The following ITGA9 variants were observed in gnomAD, a reference collection of about 807,000 sequenced individuals.
ITGA9 encodes the protein integrin alpha-9.
A neutral mutation model predicts 127.8 loss-of-function variants in ITGA9; 56 were observed. The ratio of observed to expected loss-of-function variants is 0.44; its 90% confidence interval spans 0.35 to 0.55. The LOEUF is 0.55. ITGA9 is among the 20% of genes least tolerant of loss of function. ITGA9 has a pLI of 0.00. For synonymous variants in ITGA9, 508 were observed against 514.5 expected (o/e 0.99, Z 0.17); for missense variants, 1,196 against 1,347.1 (o/e 0.89, Z 1.76).
intron 8 of ITGA9, among the ~76,000 whole-genome samples, chr3:37,512,077 C>T (rs181177505): frequency 0.016 from 608 of 38,348 alleles, 17 homozygotes; most frequent in African/African-American, 0.032. Context: ...TCTTTCTTTC[C>T]TTCCTTCCTT....
At chr3:37,701,858 T>C (rs1700950006) in intron 18 of ITGA9, among the ~76,000 whole-genome samples, 1 of 152,164 alleles carries the variant, frequency 6.6e-6, no homozygotes, top group South Asian at 2.1e-4. Context: ...AGAGCAGCAG[T>C]TCACGGGCTA....
chr3:37,755,528 A>T (rs1337253736), intron 23 of ITGA9, among the ~76,000 whole-genome samples: 1 of 152,240 alleles, frequency 6.6e-6, no homozygotes, highest in Non-Finnish European at 1.5e-5. Context: ...ATGCAAAAAG[A>T]CAGTGTTTCC....
chr3:37,759,874 A>T (rs913775202), intron 23 of ITGA9, among the ~76,000 whole-genome samples: 9 of 151,448 alleles, frequency 5.9e-5, no homozygotes, highest in African/African-American at 2.2e-4. Flanking sequence ...ACTGCACTCC[A>T]GCCTGAATGA....
intron 13 of ITGA9, among the ~76,000 whole-genome samples, chr3:37,532,611 G>A (rs190267469): frequency 8.3e-6 from 1 of 120,068 alleles, no homozygotes; most frequent in Admixed American, 9.3e-5. Context: ...GTTTTTGTGG[G>A]ATGTCCTTGG....
At chr3:37,522,939 AC>A (rs1195940553) in intron 11 of ITGA9, among the ~76,000 whole-genome samples, 2 of 152,048 alleles carry the variant, frequency 1.3e-5, no homozygotes, top group Non-Finnish European at 2.9e-5. Flanking sequence ...ACTGGGTAAA[AC>A]TGTTCACTCC....
intron 4 of ITGA9, among the ~76,000 whole-genome samples, chr3:37,490,964 C>CT (rs1339949729): frequency 9.9e-6 from 1 of 101,118 alleles, no homozygotes; most frequent in Non-Finnish European, 2.2e-5. Context: ...TCAGATTTGG[C>CT]TTCCCCCCCG....
At chr3:37,728,389 C>T (rs1696243749) in intron 18 of ITGA9, among the ~76,000 whole-genome samples, 1 of 152,146 alleles carries the variant, frequency 6.6e-6, no homozygotes, top group Admixed American at 6.5e-5. Context: ...TAAATTGAAT[C>T]CATTTTAAAC....
intron 15 of ITGA9, among the ~76,000 whole-genome samples, chr3:37,615,099 C>T (rs768788840): frequency 2.6e-5 from 4 of 152,040 alleles, no homozygotes; most frequent in Non-Finnish European, 5.9e-5. Flanking sequence ...ATTGGCTGTG[C>T]GTTTGTCATA....
intron 15 of ITGA9, among the ~76,000 whole-genome samples, chr3:37,612,270 A>G (rs1700030496): frequency 6.6e-6 from 1 of 152,184 alleles, no homozygotes; most frequent in Admixed American, 6.5e-5. Context: ...ATGCTTTTAC[A>G]TACATAGAAT....
rs1698839817 is a variant in ITGA9, at chr3:37,506,038, A to G, written c.781A>G (p.Thr261Ala). 4 of 1,610,028 alleles carry G rather than the reference A, an allele frequency of 2.5e-6. No individual in the cohort carries two copies. In the African/African-American group the frequency reaches 4.0e-5, roughly 16 times the overall value. The change falls in exon 7 of 28, where the codon ACC becomes GCC. Residue 261 changes from threonine to alanine, a missense_variant. Thr to Ala is a moderately conservative substitution (Grantham distance 58, BLOSUM62 0). Coordinates refer to ENST00000264741, the MANE Select transcript of ITGA9 (RefSeq NM_002207.3). ...CGCTGGCCACTTCTCTCACCCGTCC[A>G]CCATTGATGTGGTAGGAGGTGCCCC... ...VTAGHFSHPS[T>A]IDVVGGAPQD...
chr3:37,739,334 T>C (rs75293407), intron 20 of ITGA9, among the ~76,000 whole-genome samples: 4,823 of 152,338 alleles, frequency 0.032, 216 homozygotes, highest in African/African-American at 0.1. Context: ...AAGATGACCA[T>C]ATTATCTTCT....
chr3:37,777,411 A>C lies in ITGA9; in HGVS notation c.2561A>C (p.Asn854Thr), dbSNP rs752702491. The C allele has an allele frequency of 8.1e-6, 13 of 1,613,952 alleles. No individual in the cohort carries two copies. The highest frequency in any genetic ancestry group is 1.6e-4 in the Middle Eastern group (1 of 6,084). ...TTGCAGGTGGGCCAAGAGAAGGGAAACTGCTCTTTCCAGAAAAACCCAACT... is the reference window on the plus strand; with the variant it reads ...TTGCAGGTGGGCCAAGAGAAGGGAACCTGCTCTTTCCAGAAAAACCCAACT... ...QEMVVGQEKG[N>T]CSFQKNPTPC... The change falls in exon 24 of 28, where the codon AAC becomes ACC. Residue 854 changes from asparagine (N) to threonine (T), a missense_variant. Coordinates refer to ENST00000264741, the MANE Select transcript of ITGA9 (RefSeq NM_002207.3).
intron 7 of ITGA9, 123 bp downstream of exon 7, chr3:37,506,208 T>C (rs1579071505): frequency 2.6e-6 from 2 of 773,208 alleles, no homozygotes; most frequent in Non-Finnish European, 4.5e-6. Flanking sequence ...GGTGGGGAGG[T>C]GATGAGGAAC....
chr3:37,783,009 G>C (rs184319666), intron 25 of ITGA9, among the ~76,000 whole-genome samples: 3 of 152,170 alleles, frequency 2.0e-5, no homozygotes, highest in African/African-American at 7.2e-5. Flanking sequence ...CATGGTGGTG[G>C]GCACCTGTAG....
chr3:37,737,484 C>G (rs1353219624), intron 20 of ITGA9, among the ~76,000 whole-genome samples: 1 of 152,192 alleles, frequency 6.6e-6, no homozygotes, highest in Admixed American at 6.5e-5. Context: ...ATTTGGAAGC[C>G]AAGTGGATGG....
In ITGA9 at chr3:37,595,218, C is replaced by T. The variant is rs542709360; in HGVS notation, c.1690-33969C>T. Among the ~76,000 whole-genome samples, 144 of 152,254 alleles carry T rather than the reference C, an allele frequency of 9.5e-4. 1 individual carries two copies. The highest frequency in any genetic ancestry group is 6.8e-3 in the Middle Eastern group (2 of 294). ...AGCCCAGGCCCAAGTGATCCTCCCA[C>T]CTCAGCTTTCCAGGTAGCTGGGCAG... On this transcript the variant is annotated intron_variant, in intron 15 of 27. Transcript: ENST00000264741.
intron 14 of ITGA9, 96 bp from the exon 15 acceptor site, chr3:37,542,329 A>G (rs902090963): frequency 6.1e-6 from 8 of 1,311,562 alleles, no homozygotes; most frequent in Non-Finnish European, 8.8e-6. Context: ...TAGGTATCAT[A>G]TGAGATGTGC....
chr3:37,512,120 C>CCTTCTTTTCTTTTCTTTTCT (rs1698929069), intron 8 of ITGA9, among the ~76,000 whole-genome samples: 14 of 39,462 alleles, frequency 3.5e-4, no homozygotes, highest in Non-Finnish European at 5.2e-4. Flanking sequence ...TTCCTTCCTT[C>CCTTCTTTTCTTTTCTTTTCT]TTTCTTTTCT....
intron 15 of ITGA9, among the ~76,000 whole-genome samples, chr3:37,573,679 G>T (rs527249465): frequency 6.6e-6 from 1 of 152,292 alleles, no homozygotes; most frequent in South Asian, 2.1e-4. Context: ...GAGTGCGGTT[G>T]TCTGGCACTT....
Sources: allele counts gnomAD v4.1 joint callset (sites outside exome capture counted in the v4.1 genomes callset), GRCh38; gene constraint gnomAD v4.1.1; transcripts MANE v1.5; gene names NCBI Gene and HGNC (gene_info 2026-07-23, HGNC 2026-07-21).